Variants in EGFLAM observed in about 807,000 individuals in gnomAD.
EGFLAM encodes pikachurin.
EGFLAM carries 79 observed loss-of-function variants against 113.1 expected under a neutral mutation model. That is an observed-to-expected ratio of 0.70 (90% CI 0.58 to 0.84). The LOEUF is 0.84. Among genes scored for constraint, EGFLAM ranks in the 40% least tolerant of loss-of-function variants. The pLI is 0.00. For synonymous variants in EGFLAM, 504 were observed against 487.6 expected (o/e 1.03, Z -0.44); for missense variants, 1,265 against 1,291.6 (o/e 0.98, Z 0.32).
At chr5:38,313,109 A>G (rs1383598368) in intron 1 of EGFLAM, among the ~76,000 whole-genome samples, 1 of 152,180 alleles carries the variant, frequency 6.6e-6, no homozygotes, top group Non-Finnish European at 1.5e-5. Flanking sequence ...ATAAAATAAA[A>G]TAAGTAAATA....
intron 1 of EGFLAM, among the ~76,000 whole-genome samples, chr5:38,285,176 G>A (rs1334270987): frequency 2.0e-5 from 3 of 152,078 alleles, no homozygotes; most frequent in Non-Finnish European, 2.9e-5. Context: ...CCCACCAATT[G>A]GAGTTCTTGG....
chr5:38,448,628 T>G (rs113818160), intron 18 of EGFLAM, among the ~76,000 whole-genome samples: 16,250 of 152,224 alleles, frequency 0.11, 945 homozygotes, highest in Non-Finnish European at 0.12. Context: ...TCCAGTATCT[T>G]TCTGGTCAAA....
intron 1 of EGFLAM, among the ~76,000 whole-genome samples, chr5:38,288,593 C>A (rs1331054568): frequency 6.6e-6 from 1 of 150,596 alleles, no homozygotes; most frequent in Non-Finnish European, 1.5e-5. Flanking sequence ...CGCTTTGGTT[C>A]ATGAGCTGAG....
In EGFLAM at chr5:38,317,153, T is replaced by C. The variant is rs75725112; in HGVS notation, c.98-20367T>C. ...ATGTCAAAAAAATATCTGTTTTCTG[T>C]TTCCTCATTTGAAAAATGGATTTAC... On this transcript the variant is annotated intron_variant, in intron 1 of 21. Coordinates refer to ENST00000322350, the MANE Select transcript of EGFLAM (RefSeq NM_152403.4). Among the ~76,000 whole-genome samples, 106 of 152,314 alleles carry C rather than the reference T, an allele frequency of 7.0e-4. 1 individual carries two copies. The East Asian group carries it at 0.015, about 22-fold the overall frequency.
chr5:38,445,200 G>T (rs1049796517), intron 17 of EGFLAM, among the ~76,000 whole-genome samples: 5 of 152,094 alleles, frequency 3.3e-5, no homozygotes, highest in African/African-American at 1.2e-4. Context: ...GAATGAGGGC[G>T]ATATTTTCCA....
intron 3 of EGFLAM, chr5:38,345,550 G>A (rs1340107314): frequency 6.6e-6 from 1 of 152,188 alleles, no homozygotes; most frequent in East Asian, 1.9e-4. Flanking sequence ...ACCAAGTAGG[G>A]GGTATTTTGC....
At chr5:38,288,705 C>T (rs1758231569) in intron 1 of EGFLAM, among the ~76,000 whole-genome samples, 1 of 152,196 alleles carries the variant, frequency 6.6e-6, no homozygotes, top group Non-Finnish European at 1.5e-5. Context: ...TGGTAAAAGA[C>T]TCTCAGACTA....
At chr5:38,281,322 G>C (rs36106523) in intron 1 of EGFLAM, among the ~76,000 whole-genome samples, 65,436 of 151,784 alleles carry the variant, frequency 0.43, 14,505 homozygotes, top group Middle Eastern at 0.56. Flanking sequence ...AGATAAAATA[G>C]AGGATGCCCA....
intron 1 of EGFLAM, among the ~76,000 whole-genome samples, chr5:38,334,810 G>C (rs1466778037): frequency 6.6e-6 from 1 of 151,882 alleles, no homozygotes; most frequent in African/African-American, 2.4e-5. Flanking sequence ...CTTCTAAATT[G>C]GTTAATTTTC....
intron 17 of EGFLAM, among the ~76,000 whole-genome samples, chr5:38,444,330 T>C (rs1742640248): frequency 6.6e-6 from 1 of 152,080 alleles, no homozygotes; most frequent in South Asian, 2.1e-4. Flanking sequence ...AAGTGGGGAA[T>C]AGGAAGAGAT....
intron 12 of EGFLAM, among the ~76,000 whole-genome samples, chr5:38,420,700 C>A (rs1162839658): frequency 1.3e-5 from 2 of 152,104 alleles, no homozygotes; most frequent in Non-Finnish European, 2.9e-5. Flanking sequence ...GGGGAACAGC[C>A]CTGAATAAAC....
At chr5:38,380,050 A>G (rs1745959799) in intron 6 of EGFLAM, among the ~76,000 whole-genome samples, 1 of 152,224 alleles carries the variant, frequency 6.6e-6, no homozygotes, top group Non-Finnish European at 1.5e-5. Flanking sequence ...TATTCCAATA[A>G]AACTATTTAT....
intron 6 of EGFLAM, among the ~76,000 whole-genome samples, chr5:38,399,364 G>A (rs150660296): frequency 0.012 from 1,689 of 137,862 alleles, 46 homozygotes; most frequent in African/African-American, 0.043. Context: ...TGCAACCTCC[G>A]CCTCCCAGGC....
intron 1 of EGFLAM, among the ~76,000 whole-genome samples, chr5:38,286,756 G>A (rs943073646): frequency 1.3e-5 from 2 of 152,174 alleles, no homozygotes; most frequent in African/African-American, 4.8e-5. Context: ...TTTGCCATCG[G>A]CACCATCTTG....
intron 16 of EGFLAM, 110 bp downstream of exon 16, chr5:38,435,363 G>A: frequency 2.4e-6 from 2 of 849,572 alleles, no homozygotes; most frequent in Non-Finnish European, 3.7e-6. Context: ...CTTTGAGAAA[G>A]TTTTAACATT....
chr5:38,420,674 A>G (rs1016318180), intron 12 of EGFLAM, among the ~76,000 whole-genome samples: 2 of 152,210 alleles, frequency 1.3e-5, no homozygotes, highest in South Asian at 2.1e-4. Flanking sequence ...CAAATCAGCT[A>G]TAATCTGTTT....
chr5:38,278,625 A>G (rs1757943712), intron 1 of EGFLAM, among the ~76,000 whole-genome samples: 1 of 151,942 alleles, frequency 6.6e-6, no homozygotes, highest in South Asian at 2.1e-4. Context: ...AGTAGCTGGG[A>G]TTACAGGTGC....
At chr5:38,447,079 C>G (rs748327740) in intron 17 of EGFLAM, among the ~76,000 whole-genome samples, 1 of 152,118 alleles carries the variant, frequency 6.6e-6, no homozygotes, top group Non-Finnish European at 1.5e-5. Context: ...ATTTCTGTAT[C>G]TTTCCAAAGA....
intron 17 of EGFLAM, among the ~76,000 whole-genome samples, chr5:38,446,746 C>T (rs879730326): frequency 6.6e-6 from 1 of 152,090 alleles, no homozygotes; most frequent in Non-Finnish European, 1.5e-5. Context: ...GTTTTCTTTC[C>T]TCTCTTCCTT....
Sources: gnomAD v4.1 joint callset for allele counts (sites outside exome capture counted in the v4.1 genomes callset) on GRCh38, gnomAD v4.1.1 for gene constraint, MANE v1.5 for transcripts, NCBI Gene and HGNC (gene_info 2026-07-23, HGNC 2026-07-21) for gene names.